The following BMPR1B variants were observed in gnomAD, a reference collection of about 807,000 sequenced individuals.
BMPR1B encodes the protein bone morphogenetic protein receptor type-1B.
A neutral mutation model predicts 59.1 loss-of-function variants in BMPR1B; 12 were observed. The ratio of observed to expected loss-of-function variants is 0.20; its 90% CI spans 0.13 to 0.33. The LOEUF (loss-of-function observed/expected upper bound fraction) is 0.33. Among genes scored for constraint, BMPR1B ranks in the 10% least tolerant of loss-of-function variants. The probability of loss-of-function intolerance (pLI) is 1.00; values close to 1 mark genes in which losing one functional copy is unlikely to be tolerated. For missense variants in BMPR1B, 550 were observed against 610.9 expected (o/e 0.90, Z 1.05); for synonymous variants, 237 against 207.3 (o/e 1.14, Z -1.23).
chr4:95,066,220 A>G (rs1727789662), intron 3 of BMPR1B, among the ~76,000 whole-genome samples: 1 of 152,222 alleles, frequency 6.6e-6, no homozygotes, highest in African/African-American at 2.4e-5. Context: ...CTACTTGTTA[A>G]TATAACAGAA....
At chr4:94,879,123 G>T (rs1726859550) in intron 2 of BMPR1B, among the ~76,000 whole-genome samples, 1 of 152,022 alleles carries the variant, frequency 6.6e-6, no homozygotes, top group Non-Finnish European at 1.5e-5. Flanking sequence ...TTAGCATTAG[G>T]TATATCTCCT....
intron 2 of BMPR1B, among the ~76,000 whole-genome samples, chr4:94,935,231 A>G (rs1729245494): frequency 6.6e-6 from 1 of 152,180 alleles, no homozygotes; most frequent in Non-Finnish European, 1.5e-5. Flanking sequence ...AACTAAATTG[A>G]GTAAATCTCT....
chr4:94,811,709 T>C (rs138124145), intron 1 of BMPR1B, among the ~76,000 whole-genome samples: 1 of 152,248 alleles, frequency 6.6e-6, no homozygotes, highest in Non-Finnish European at 1.5e-5. Context: ...ATGACAACTT[T>C]CTCAAATGCC....
At chr4:94,854,733 C>T (rs62316172) in intron 1 of BMPR1B, among the ~76,000 whole-genome samples, 2,259 of 152,188 alleles carry the variant, frequency 0.015, 28 homozygotes, top group Non-Finnish European at 0.021. Context: ...ACCTAGCAAG[C>T]CTATTCTTGG....
At chr4:94,970,827 G>A (rs13106009) in intron 2 of BMPR1B, among the ~76,000 whole-genome samples, 76,418 of 151,884 alleles carry the variant, frequency 0.5, 19,592 homozygotes, top group South Asian at 0.6. Context: ...TGAAATATGC[G>A]ATGATTGTTG....
At chr4:94,986,901 C>T (rs964299988) in intron 2 of BMPR1B, among the ~76,000 whole-genome samples, 30 of 151,426 alleles carry the variant, frequency 2.0e-4, no homozygotes, top group African/African-American at 7.0e-4. Context: ...ACTAGCCGGG[C>T]GTGGTGGCGG....
At chr4:95,035,059 T>A (rs1725141294) in intron 3 of BMPR1B, among the ~76,000 whole-genome samples, 1 of 152,202 alleles carries the variant, frequency 6.6e-6, no homozygotes, top group Non-Finnish European at 1.5e-5. Flanking sequence ...TTCATATGTT[T>A]GTTGGCTATT....
At chr4:94,988,560 A>G (rs1400131108) in intron 2 of BMPR1B, among the ~76,000 whole-genome samples, 5 of 152,306 alleles carry the variant, frequency 3.3e-5, no homozygotes, top group Middle Eastern at 3.4e-3. Flanking sequence ...ATTCTTTGCT[A>G]TGGTTTCCGG....
At chr4:94,974,721 A>G (rs1257625486) in intron 2 of BMPR1B, among the ~76,000 whole-genome samples, 1 of 152,156 alleles carries the variant, frequency 6.6e-6, no homozygotes, top group Non-Finnish European at 1.5e-5. Context: ...GCTTCAGAGC[A>G]GCGTTTATAG....
intron 3 of BMPR1B, among the ~76,000 whole-genome samples, chr4:95,026,126 CTT>C (rs1724377266): frequency 2.4e-5 from 2 of 84,774 alleles, no homozygotes; most frequent in Admixed American, 1.2e-4. Flanking sequence ...TTCTTTCTTT[CTT>C]TCTTTCTTTC....
chr4:95,022,303 A>T (rs1724046862), intron 3 of BMPR1B, among the ~76,000 whole-genome samples: 2 of 152,348 alleles, frequency 1.3e-5, no homozygotes, highest in Non-Finnish European at 1.5e-5. Flanking sequence ...GTTCGAAAAT[A>T]TCTTTTTGTG....
At chr4:94,903,248 T>C (rs75271982) in intron 2 of BMPR1B, among the ~76,000 whole-genome samples, 14,888 of 152,016 alleles carry the variant, frequency 0.098, 1,079 homozygotes, top group East Asian at 0.43. Context: ...AAAGTAAGAA[T>C]TCAATTTAAC....
At chr4:94,794,486 TG>T (rs1723109236) in intron 1 of BMPR1B, among the ~76,000 whole-genome samples, 1 of 140,242 alleles carries the variant, frequency 7.1e-6, no homozygotes. Context: ...GGCTTAGGAT[TG>T]ACTTGGCGAT....
intron 2 of BMPR1B, among the ~76,000 whole-genome samples, chr4:94,925,287 A>G (rs1728843323): frequency 1.3e-5 from 2 of 152,094 alleles, no homozygotes; most frequent in Admixed American, 1.3e-4. Context: ...CTAGAAATAT[A>G]ATTTTTAACT....
intron 1 of BMPR1B, among the ~76,000 whole-genome samples, chr4:94,857,000 A>G (rs1725782556): frequency 6.6e-6 from 1 of 152,232 alleles, no homozygotes; most frequent in South Asian, 2.1e-4. Context: ...ACAGGGTTGG[A>G]CACAAATCTG....
intron 4 of BMPR1B, among the ~76,000 whole-genome samples, chr4:95,108,062 T>C (rs1251901692): frequency 6.6e-6 from 1 of 152,124 alleles, no homozygotes; most frequent in South Asian, 2.1e-4. Flanking sequence ...ACTGATACTT[T>C]GCTAAATTAT....
chr4:94,769,256 C>T (rs992353471), intron 1 of BMPR1B, among the ~76,000 whole-genome samples: 8 of 152,140 alleles, frequency 5.3e-5, no homozygotes, highest in Non-Finnish European at 1.0e-4. Flanking sequence ...GATTTTGATG[C>T]CATATTGTAA....
chr4:95,057,707 G>C (rs570176659), intron 3 of BMPR1B, among the ~76,000 whole-genome samples: 20 of 152,000 alleles, frequency 1.3e-4, no homozygotes, highest in African/African-American at 3.6e-4. Flanking sequence ...GGATTATATT[G>C]ACAATCAAAA....
chr4:95,119,041 C>T (rs1732278478), intron 6 of BMPR1B, among the ~76,000 whole-genome samples: 1 of 152,052 alleles, frequency 6.6e-6, no homozygotes, highest in African/African-American at 2.4e-5. Context: ...CTGTATCTTG[C>T]ATTTACATGG....
Sources: allele counts gnomAD v4.1 joint callset (sites outside exome capture counted in the v4.1 genomes callset), GRCh38; gene constraint gnomAD v4.1.1; transcripts MANE v1.5; gene names NCBI Gene and HGNC (gene_info 2026-07-23, HGNC 2026-07-21).